TACC2: variants seen among roughly 807,000 people sequenced by gnomAD.
TACC2 encodes the protein transforming acidic coiled-coil containing protein 2.
Under a neutral mutation model 227.3 loss-of-function variants are expected in TACC2, and 137 were observed. The ratio of observed to expected loss-of-function variants is 0.60; its 90% CI spans 0.52 to 0.69. The LOEUF (loss-of-function observed/expected upper bound fraction) is 0.69, where lower values mean the gene tolerates loss of function less well. Ranked by LOEUF, TACC2 falls within the 30% of genes least tolerant of loss-of-function variation. The pLI is 0.00. For missense variants in TACC2, 3,470 were observed against 3,694.4 expected (o/e 0.94, Z 1.57); for synonymous variants, 1,523 against 1,487.5 (o/e 1.02, Z -0.55).
intron 3 of TACC2, among the ~76,000 whole-genome samples, chr10:122,056,770 G>A (rs1255736058): frequency 6.6e-6 from 1 of 152,216 alleles, no homozygotes; most frequent in Non-Finnish European, 1.5e-5. Flanking sequence ...AGGTGGTGAC[G>A]TTCACTGAAA....
In TACC2 at chr10:122,088,568, C is replaced by A. The variant is rs1229299286; in HGVS notation, c.5550C>A (p.Thr1850=). Residue 1850 remains threonine, a synonymous_variant, in exon 5 of 23, where the codon ACC becomes ACA. Coordinates refer to ENST00000369005, the MANE Select transcript of TACC2 (RefSeq NM_206862.4). ...TGGATAAAGTCACTTCAGATGAGAC[C>A]AGAGGTGCGGAAGGAACAGAAAGGT... ...RVMDKVTSDE[T]RGAEGTESSP... is the part of the protein sequence containing the mutation. The A allele has an allele frequency of 6.2e-7, 1 of 1,613,548 alleles. No homozygotes were observed. Among genetic ancestry groups the A allele is most frequent in the Non-Finnish European group, 8.5e-7 (1 of 1,179,850 alleles).
chr10:122,024,244 T>C (rs1040634646), intron 2 of TACC2, among the ~76,000 whole-genome samples: 2 of 152,104 alleles, frequency 1.3e-5, no homozygotes, highest in Non-Finnish European at 2.9e-5. Flanking sequence ...TGCACACCTG[T>C]AGCCCTCACT....
chr10:122,244,985 GC>G (rs1259160622), intron 19 of TACC2: 1 of 152,140 alleles, frequency 6.6e-6, no homozygotes, highest in Non-Finnish European at 1.5e-5. Context: ...ATTTTTTTCT[GC>G]TTTTCTAACA....
intron 7 of TACC2, among the ~76,000 whole-genome samples, chr10:122,176,073 TTCTCTCTCTCTCTCTCTC>T (rs55655832): frequency 7.4e-4 from 69 of 92,768 alleles, no homozygotes; most frequent in East Asian, 3.8e-3. Context: ...GAGCAAAACC[TTCTCTCTCTCTCTCTCTC>T]TCTCTCTCTC....
chr10:122,153,282 G>A (rs113613938), intron 7 of TACC2, among the ~76,000 whole-genome samples: 3 of 152,160 alleles, frequency 2.0e-5, no homozygotes, highest in Non-Finnish European at 2.9e-5. Context: ...AAGCCATAGC[G>A]CCTGGCCCGA....
intron 7 of TACC2, among the ~76,000 whole-genome samples, chr10:122,173,684 A>G (rs1285944687): frequency 6.6e-6 from 1 of 152,210 alleles, no homozygotes; most frequent in African/African-American, 2.4e-5. Context: ...AGAAAGGAAA[A>G]CATGTCTGTG....
At chr10:122,081,363 C>CAA (rs71976086) in intron 3 of TACC2, among the ~76,000 whole-genome samples, 8,355 of 138,708 alleles carry the variant, frequency 0.06, 322 homozygotes, top group African/African-American at 0.1. Flanking sequence ...ACTAAAACTA[C>CAA]AAAAAAAAAA....
chr10:121,996,859 TAG>T (rs911134191), intron 1 of TACC2, among the ~76,000 whole-genome samples: 7 of 152,054 alleles, frequency 4.6e-5, no homozygotes, highest in African/African-American at 1.7e-4. Context: ...GCTTTAGGTT[TAG>T]AGTCTTTTCC....
chr10:122,158,517 T>G (rs575395875), intron 7 of TACC2, among the ~76,000 whole-genome samples: 21 of 152,322 alleles, frequency 1.4e-4, no homozygotes, highest in African/African-American at 4.6e-4. Flanking sequence ...AAATTCCCAG[T>G]CTTCCACCTC....
chr10:121,992,485 G>C (rs1953067683), intron 1 of TACC2, among the ~76,000 whole-genome samples: 1 of 152,206 alleles, frequency 6.6e-6, no homozygotes, highest in African/African-American at 2.4e-5. Flanking sequence ...TAATTGCACA[G>C]AACAACTCAG....
At chr10:122,228,542 A>G (rs1205081369) in intron 14 of TACC2, among the ~76,000 whole-genome samples, 1 of 152,082 alleles carries the variant, frequency 6.6e-6, no homozygotes, top group Non-Finnish European at 1.5e-5. Context: ...GCATTCCCCA[A>G]AGTAAGCGAT....
intron 7 of TACC2, among the ~76,000 whole-genome samples, chr10:122,183,213 C>CA (rs113315271): frequency 4.1e-5 from 6 of 145,676 alleles, no homozygotes; most frequent in South Asian, 2.4e-4. Flanking sequence ...TCAAAAAAAA[C>CA]AAAAAAACAA....
At chr10:122,133,046 G>C (rs2088697549) in intron 6 of TACC2, among the ~76,000 whole-genome samples, 1 of 152,192 alleles carries the variant, frequency 6.6e-6, no homozygotes. Context: ...ATTTGAAACA[G>C]AAACCCTCCA....
intron 7 of TACC2, among the ~76,000 whole-genome samples, chr10:122,171,264 T>A (rs2093459312): frequency 6.6e-6 from 1 of 151,044 alleles, no homozygotes; most frequent in African/African-American, 2.4e-5. Context: ...GCTTTCTCCT[T>A]AAATGGAAGT....
At chr10:122,186,787 G>A (rs142569059) in intron 7 of TACC2, among the ~76,000 whole-genome samples, 33 of 152,282 alleles carry the variant, frequency 2.2e-4, no homozygotes, top group African/African-American at 6.5e-4. Flanking sequence ...TCCTGGGATT[G>A]CAGGCATGTG....
intron 2 of TACC2, among the ~76,000 whole-genome samples, chr10:122,048,258 C>T (rs2075257331): frequency 6.6e-6 from 1 of 152,142 alleles, no homozygotes; most frequent in Admixed American, 6.5e-5. Flanking sequence ...CACCTCCAGG[C>T]AGGAGCCATA....
chr10:122,241,805 A>G, intron 18 of TACC2, 153 bp from the exon 19 acceptor site: 1 of 716,096 alleles, frequency 1.4e-6, no homozygotes, highest in Non-Finnish European at 2.5e-6. Flanking sequence ...GTCACGCACC[A>G]GGAAAATGAG....
At chr10:122,026,666 A>C (rs180889217) in intron 2 of TACC2, among the ~76,000 whole-genome samples, 16 of 150,152 alleles carry the variant, frequency 1.1e-4, no homozygotes, top group African/African-American at 4.0e-4. Flanking sequence ...GCAACCATGA[A>C]TCTTTTTACT....
At chr10:122,132,283 C>T (rs543473559) in intron 5 of TACC2, among the ~76,000 whole-genome samples, 5 of 151,980 alleles carry the variant, frequency 3.3e-5, no homozygotes, top group African/African-American at 7.2e-5. Context: ...CGGCGGCTCA[C>T]GCCTGTAATC....
Sources: allele counts gnomAD v4.1 joint callset (sites outside exome capture counted in the v4.1 genomes callset), GRCh38; gene constraint gnomAD v4.1.1; transcripts MANE v1.5; gene names NCBI Gene and HGNC (gene_info 2026-07-23, HGNC 2026-07-21).